The following NRXN2 variants were observed in gnomAD, a reference collection of about 807,000 sequenced individuals.
NRXN2 encodes neurexin-2-beta.
A neutral mutation model predicts 128.8 loss-of-function variants in NRXN2; 29 were observed. The ratio of observed to expected loss-of-function variants is 0.23; its 90% CI spans 0.17 to 0.31. The LOEUF is 0.31. NRXN2 is among the 10% of genes least tolerant of loss of function. The probability of loss-of-function intolerance (pLI) is 1.00; values close to 1 mark genes in which losing one functional copy is unlikely to be tolerated. For synonymous variants in NRXN2, 1,098 were observed against 1,075.2 expected (o/e 1.02, Z -0.41); for missense variants, 1,881 against 2,452.6 (o/e 0.77, Z 4.92).
chr11:64,716,970 T>A (rs1350248727), intron 1 of NRXN2, among the ~76,000 whole-genome samples: 2 of 151,944 alleles, frequency 1.3e-5, no homozygotes, highest in African/African-American at 4.8e-5. Context: ...CCAAGGCTGC[T>A]GCCGACCCAG....
In NRXN2 at chr11:64,653,703, G is replaced by A. The variant is rs148996754; in HGVS notation, c.2409C>T (p.Cys803=). ...TVNLDCLRVG[C]APSKGPETLF... Reference sequence around the variant, plus strand: ...AAGAGGGAAGCCACTTACTGGGTGCGCAGCCGACGCGCAGGCAGTCTGGGG... The same window carrying A: ...AAGAGGGAAGCCACTTACTGGGTGCACAGCCGACGCGCAGGCAGTCTGGGG... The change falls in exon 12 of 23, where the codon TGC becomes TGT. Residue 803 remains cysteine, a synonymous_variant. Transcript: ENST00000265459. 1.6e-3 allele frequency: 2,530 copies of A among 1,595,946 alleles called. 23 individuals are homozygous for A. Among genetic ancestry groups the A allele is most frequent in the Middle Eastern group, 0.01 (63 of 6,024 alleles).
chr11:64,657,744 T>G (rs985442547), intron 11 of NRXN2, among the ~76,000 whole-genome samples: 2 of 152,198 alleles, frequency 1.3e-5, no homozygotes, highest in African/African-American at 2.4e-5. Context: ...AGGGGCCACC[T>G]GCGTGTCCAC....
intron 17 of NRXN2, among the ~76,000 whole-genome samples, chr11:64,638,457 G>A (rs2045141836): frequency 1.3e-5 from 2 of 152,018 alleles, no homozygotes; most frequent in South Asian, 4.1e-4. Flanking sequence ...CGTGGCTTCC[G>A]CCAGGCCCCT....
At position 64,713,373 on chromosome 11, in the gene NRXN2, G is replaced by C. The variant is rs765238870; in HGVS notation, c.327C>G (p.Asp109Glu). The C allele has an allele frequency of 6.9e-7, 1 of 1,445,896 alleles. No individual in the cohort carries two copies. The highest frequency in any genetic ancestry group is 1.4e-5 in the South Asian group (1 of 73,790). 89.6% of individuals were successfully genotyped at this position (1,445,896 alleles called of 1,614,324 possible). ...ATLQLDTPVA[D>E]DRWHMVLLTR... is the part of the protein sequence containing the mutation. ...TCAGCAGCACCATGTGCCAGCGGTC[G>C]TCGGCCACCGGCGTGTCCAGCTGCA... The change falls in exon 2 of 23, where the codon GAC (aspartate) becomes GAG (glutamate). Residue 109 changes from aspartate to glutamate, a missense_variant. Asp to Glu is a conservative substitution (Grantham distance 45). This residue lies in a region of NRXN2 where 997 missense variants were observed against 1,240.8 expected (regional missense o/e 0.80). Transcript: ENST00000265459.
At chr11:64,673,979 A>G (rs908992714) in intron 7 of NRXN2, among the ~76,000 whole-genome samples, 5 of 147,824 alleles carry the variant, frequency 3.4e-5, no homozygotes, top group African/African-American at 1.3e-4. Context: ...CAGAGGTTGC[A>G]GTGAGCCGAG....
intron 1 of NRXN2, among the ~76,000 whole-genome samples, chr11:64,716,995 T>G (rs2057322982): frequency 6.7e-6 from 1 of 149,832 alleles, no homozygotes. Flanking sequence ...CAACCCACCC[T>G]TCTCCCAGAA....
chr11:64,669,574 G>A (rs187171877), intron 7 of NRXN2, among the ~76,000 whole-genome samples: 2 of 152,292 alleles, frequency 1.3e-5, no homozygotes, highest in African/African-American at 4.8e-5. Flanking sequence ...GGGGCTCAGC[G>A]GTGGCCTGGA....
chr11:64,686,680 G>C (rs1318304831), intron 5 of NRXN2, among the ~76,000 whole-genome samples: 3 of 152,224 alleles, frequency 2.0e-5, no homozygotes, highest in Non-Finnish European at 4.4e-5. Context: ...AGCCAAGGAC[G>C]GCGCAGACAG....
At chr11:64,656,307 T>C (rs1238599670) in intron 11 of NRXN2, among the ~76,000 whole-genome samples, 1 of 152,132 alleles carries the variant, frequency 6.6e-6, no homozygotes, top group Non-Finnish European at 1.5e-5. Context: ...GGCTTTGGGA[T>C]ACAATGTGTA....
intron 5 of NRXN2, among the ~76,000 whole-genome samples, chr11:64,687,828 G>A (rs1281824772): frequency 6.6e-6 from 1 of 152,200 alleles, no homozygotes; most frequent in Non-Finnish European, 1.5e-5. Flanking sequence ...AAGAGAGCCA[G>A]CAACGAAAGT....
At chr11:64,652,972 C>T (rs954661325) in intron 12 of NRXN2, among the ~76,000 whole-genome samples, 5 of 151,606 alleles carry the variant, frequency 3.3e-5, no homozygotes, top group African/African-American at 1.2e-4. Context: ...GCCACACACA[C>T]ATGAAGAGCA....
At chr11:64,662,894 T>C (rs1250859596) in intron 9 of NRXN2, among the ~76,000 whole-genome samples, 1 of 151,804 alleles carries the variant, frequency 6.6e-6, no homozygotes, top group East Asian at 1.9e-4. Context: ...AAAAAGACTC[T>C]GCCTAACTTC....
At chr11:64,699,788 C>T (rs2055075371) in intron 2 of NRXN2, among the ~76,000 whole-genome samples, 2 of 152,136 alleles carry the variant, frequency 1.3e-5, no homozygotes, top group Non-Finnish European at 2.9e-5. Context: ...TCAGGAAACC[C>T]TTTGGCTCTC....
intron 7 of NRXN2, 130 bp from the exon 8 acceptor site, chr11:64,668,734 T>C (rs2050225836): frequency 1.1e-6 from 1 of 926,454 alleles, no homozygotes. Context: ...TATGTCTGCT[T>C]GTCTTGGAGG....
chr11:64,646,232 C>T (rs565617049), intron 17 of NRXN2, among the ~76,000 whole-genome samples: 6 of 152,256 alleles, frequency 3.9e-5, no homozygotes, highest in South Asian at 4.1e-4. Context: ...GGGATGGTGA[C>T]GCCTCCCAAG....
At position 64,654,696 on chromosome 11, in the gene NRXN2, G is replaced by A. The variant is rs568767180; in HGVS notation, c.2390-974C>T. Among the ~76,000 whole-genome samples the A allele has an allele frequency of 3.3e-5, 5 of 152,304 alleles. No individual in the cohort carries two copies. In the East Asian group the frequency reaches 5.8e-4, roughly 18 times the overall value. ...TCTTGCAGAGGGAACAGTGGACCAGGGTCCTATGAAGTCCAGATTTAAGGC... is the reference window on the plus strand; with the variant it reads ...TCTTGCAGAGGGAACAGTGGACCAGAGTCCTATGAAGTCCAGATTTAAGGC... On this transcript the variant is annotated intron_variant, in intron 11 of 22. Coordinates refer to ENST00000265459, the MANE Select transcript of NRXN2 (RefSeq NM_015080.4).
intron 6 of NRXN2, among the ~76,000 whole-genome samples, chr11:64,684,547 T>C (rs752309985): frequency 6.6e-6 from 1 of 151,894 alleles, no homozygotes; most frequent in Non-Finnish European, 1.5e-5. Context: ...GGAGTGGCAT[T>C]AATGAGAGGT....
At position 64,626,488 on chromosome 11, in the gene NRXN2, T is replaced by C; in HGVS notation, c.3822A>G (p.Val1274=). Residue 1274 remains valine (V), a synonymous_variant, in exon 20 of 23, where the codon GTA becomes GTG. Coordinates refer to ENST00000265459, the MANE Select transcript of NRXN2 (RefSeq NM_015080.4). ...CTTTGTCGAGCAGCCACTCATCTAC[T>C]ACTCGACCAAGCCGGTAGGGGATTC... is the stretch of plus-strand genomic sequence containing the variant. ...RQRIPYRLGR[V]VDEWLLDKGR... 2 of 1,613,950 alleles carry C rather than the reference T, an allele frequency of 1.2e-6. No individual in the cohort carries two copies. The highest frequency in any genetic ancestry group is 1.1e-5 in the South Asian group (1 of 91,078).
At chr11:64,645,618 T>C (rs1160072757) in intron 17 of NRXN2, among the ~76,000 whole-genome samples, 2 of 152,056 alleles carry the variant, frequency 1.3e-5, no homozygotes, top group African/African-American at 2.4e-5. Context: ...CCATCTCATC[T>C]TTTCTCTCCT....
Sources: allele counts gnomAD v4.1 joint callset (sites outside exome capture counted in the v4.1 genomes callset), GRCh38; gene constraint gnomAD v4.1.1; regional missense constraint gnomAD v4.1.1; transcripts MANE v1.5; gene names NCBI Gene and HGNC (gene_info 2026-07-23, HGNC 2026-07-21).